Variants in SIPA1L1 observed in about 807,000 individuals in gnomAD.
SIPA1L1 encodes signal induced proliferation associated 1 like 1.
In SIPA1L1, 26 loss-of-function variants were observed where a neutral mutation model predicts 162.7. The observed-to-expected ratio is 0.16, with a 90% CI of 0.12 to 0.22. SIPA1L1 has a LOEUF of 0.22. Ranked by LOEUF, SIPA1L1 falls within the 10% of genes least tolerant of loss-of-function variation. The pLI, the probability that SIPA1L1 is intolerant of heterozygous loss-of-function variation, is 1.00. For missense variants in SIPA1L1, 1,874 were observed against 2,241.0 expected, an observed-to-expected ratio of 0.84 and a Z score of 3.31; for synonymous variants, 829 against 837.4, an observed-to-expected ratio of 0.99 and a Z score of 0.17.
intron 2 of SIPA1L1, among the ~76,000 whole-genome samples, chr14:71,433,518 T>C (rs748307449): frequency 1.3e-5 from 2 of 152,282 alleles, no homozygotes; most frequent in Non-Finnish European, 2.9e-5. Context: ...GGCTTCACCA[T>C]GTTACCTCGG....
In SIPA1L1 at chr14:71,698,982, C is replaced by T. The variant is rs1200636647; in HGVS notation, c.3376C>T (p.Leu1126=). The part of the protein sequence containing the change: ...SSDGRPLERR[L]SPGSDIYVTV... The stretch of plus-strand genomic sequence containing the variant: ...CATGTTTTTGTATTGCACATGCAGG[C>T]TGTCTCCTGGTTCGGACATCTATGT... The change falls in exon 14 of 24, where the codon CTG becomes TTG. Residue 1126 remains leucine (L), a splice_region_variant and synonymous_variant. Coordinates refer to ENST00000381232, the MANE Select transcript of SIPA1L1 (RefSeq NM_001386936.1). 1 of 1,614,192 alleles carries T rather than the reference C, an allele frequency of 6.2e-7. No homozygotes were observed. The highest frequency in any genetic ancestry group is 1.7e-5 in the Admixed American group (1 of 60,028).
intron 4 of SIPA1L1, among the ~76,000 whole-genome samples, chr14:71,557,085 A>G (rs2056415547): frequency 6.6e-6 from 1 of 152,230 alleles, no homozygotes; most frequent in Non-Finnish European, 1.5e-5. Context: ...ACAAAAACCA[A>G]TATAGCTATC....
intron 14 of SIPA1L1, among the ~76,000 whole-genome samples, chr14:71,700,410 A>G (rs1479989617): frequency 6.6e-6 from 1 of 152,266 alleles, no homozygotes; most frequent in African/African-American, 2.4e-5. Flanking sequence ...TCTAACTGGC[A>G]TCTCCATGCC....
chr14:71,588,940 G>A lies in SIPA1L1; in HGVS notation c.1068G>A (p.Arg356=). The A allele has an allele frequency of 1.2e-6, 2 of 1,614,072 alleles. No homozygotes were observed. The highest frequency in any genetic ancestry group is 1.7e-6 in the Non-Finnish European group (2 of 1,179,966). Residue 356 remains arginine (R), a synonymous_variant, in exon 5 of 24, where the codon AGG becomes AGA. Transcript: ENST00000381232. The surrounding 1 kb of genome is among the most constrained non-coding windows in gnomAD (Gnocchi z 4.3). ...TGAACAGGCACAATGTTATTAAGAG[G>A]AGAAACACCACCACTGGAGCTTCCG... ...AIMNRHNVIK[R]RNTTTGASAA... is the part of the protein sequence containing the mutation.
At chr14:71,702,259 A>T in intron 14 of SIPA1L1, 122 bp from the exon 15 acceptor site, 1 of 1,015,262 alleles carries the variant, frequency 9.8e-7, no homozygotes, top group Non-Finnish European at 1.5e-6. Flanking sequence ...ATACAAGTAC[A>T]GACACATAAG....
chr14:71,332,690 A>T (rs1457017090), intron 2 of SIPA1L1, among the ~76,000 whole-genome samples: 1 of 152,090 alleles, frequency 6.6e-6, no homozygotes, highest in Non-Finnish European at 1.5e-5. Flanking sequence ...CCTGGGTTTG[A>T]TATTGATTGC....
intron 4 of SIPA1L1, among the ~76,000 whole-genome samples, chr14:71,530,015 A>G (rs983011208): frequency 6.6e-6 from 1 of 152,212 alleles, no homozygotes; most frequent in Admixed American, 6.5e-5. Context: ...CCAGAATCAC[A>G]AGGAAACCAG....
rs1226628259 is a variant in SIPA1L1, at chr14:71,588,778, C to G, written c.906C>G (p.Ala302=). ...DSSIFRKLRN[A]KGEELGKSSD... ...CTATTTTTCGTAAATTGCGCAATGC[C>G]AAAGGTGAAGAACTTGGGAAGTCAT... The change falls in exon 5 of 24, where the codon GCC becomes GCG. Residue 302 remains alanine (A), a synonymous_variant. Transcript: ENST00000381232. The surrounding 1 kb of genome is among the most constrained non-coding windows in gnomAD (Gnocchi z 4.3). The G allele has an allele frequency of 1.9e-6, 3 of 1,614,034 alleles. No homozygotes were observed. The highest frequency in any genetic ancestry group is 8.5e-7 in the Non-Finnish European group (1 of 1,179,968).
chr14:71,652,231 A>C (rs1476594581), intron 8 of SIPA1L1, among the ~76,000 whole-genome samples: 1 of 152,196 alleles, frequency 6.6e-6, no homozygotes, highest in African/African-American at 2.4e-5. Context: ...TATGCCATTT[A>C]AACCTGCATT....
At chr14:71,725,783 G>A (rs1355778338) in intron 19 of SIPA1L1, among the ~76,000 whole-genome samples, 1 of 152,200 alleles carries the variant, frequency 6.6e-6, no homozygotes, top group Non-Finnish European at 1.5e-5. Context: ...TGCACCCCCA[G>A]AAAGGTCATG....
chr14:71,520,866 C>T (rs774783366), intron 3 of SIPA1L1, among the ~76,000 whole-genome samples: 61 of 152,220 alleles, frequency 4.0e-4, no homozygotes, highest in Non-Finnish European at 7.8e-4. Flanking sequence ...GATCCTCCCA[C>T]CTCAGCCCCC....
At chr14:71,641,222 T>C (rs774748037) in intron 7 of SIPA1L1, among the ~76,000 whole-genome samples, 1 of 147,112 alleles carries the variant, frequency 6.8e-6, no homozygotes. Context: ...CCAGAACTGA[T>C]GAAAGACAAG....
intron 2 of SIPA1L1, among the ~76,000 whole-genome samples, chr14:71,385,875 A>T (rs1218092809): frequency 6.6e-6 from 1 of 151,794 alleles, no homozygotes; most frequent in Non-Finnish European, 1.5e-5. Context: ...TTTAGTAGAG[A>T]CGGGGTTTCA....
At chr14:71,360,654 A>G (rs557675280) in intron 2 of SIPA1L1, among the ~76,000 whole-genome samples, 3 of 152,224 alleles carry the variant, frequency 2.0e-5, no homozygotes, top group Non-Finnish European at 4.4e-5. Context: ...AAGTATGTGC[A>G]TTATTTTAGT....
At chr14:71,434,277 T>G (rs763799072) in intron 2 of SIPA1L1, among the ~76,000 whole-genome samples, 1 of 152,186 alleles carries the variant, frequency 6.6e-6, no homozygotes, top group Non-Finnish European at 1.5e-5. Flanking sequence ...GGTGCAGTAA[T>G]GGATATATTT....
intron 10 of SIPA1L1, among the ~76,000 whole-genome samples, chr14:71,664,676 C>G (rs2043838079): frequency 6.6e-6 from 1 of 151,856 alleles, no homozygotes; most frequent in Non-Finnish European, 1.5e-5. Context: ...TTTTTTGTAC[C>G]CCAAGTGCTT....
In SIPA1L1 at chr14:71,377,703, G is replaced by C. The variant is rs944867505; in HGVS notation, c.-465+56522G>C. On this transcript the variant is annotated intron_variant, in intron 2 of 23. Coordinates refer to ENST00000381232, the MANE Select transcript of SIPA1L1 (RefSeq NM_001386936.1). This position sits in a 1 kb window ranked among gnomAD's most constrained non-coding sequence, Gnocchi z 4.8. ...GTGGGCAACATTGAGCACTGAGTGA[G>C]TGAGACTCCGTCTGCAATCCTGGCA... Among the ~76,000 whole-genome samples, 5 of 152,220 alleles carry C rather than the reference G, an allele frequency of 3.3e-5. No homozygotes were observed. Among genetic ancestry groups the C allele is most frequent in the African/African-American group, 1.2e-4 (5 of 41,464 alleles).
At chr14:71,471,598 A>G (rs1425167958) in intron 2 of SIPA1L1, among the ~76,000 whole-genome samples, 2 of 152,226 alleles carry the variant, frequency 1.3e-5, no homozygotes, top group Non-Finnish European at 2.9e-5. Context: ...AAGACAGGGA[A>G]ACAAACAGAG....
At position 71,624,656 on chromosome 14, in the gene SIPA1L1, A is replaced by G. The variant is rs535402645; in HGVS notation, c.1818+420A>G. Among the ~76,000 whole-genome samples, 3 of 152,288 alleles carry G rather than the reference A, an allele frequency of 2.0e-5. No homozygotes were observed. In the East Asian group the frequency reaches 5.8e-4, roughly 29 times the overall value. ...ATGTTATCTCATTTAATCTCCCTACACTGTGAGAAAGGTACTATTATTATT... is the reference window on the plus strand; with the variant it reads ...ATGTTATCTCATTTAATCTCCCTACGCTGTGAGAAAGGTACTATTATTATT... On this transcript the variant is annotated intron_variant, in intron 7 of 23. Coordinates refer to ENST00000381232, the MANE Select transcript of SIPA1L1 (RefSeq NM_001386936.1).
Sources: gnomAD v4.1 joint callset for allele counts (sites outside exome capture counted in the v4.1 genomes callset) on GRCh38, gnomAD v4.1.1 for gene constraint, Gnocchi (gnomAD v3.1) non-coding constraint, MANE v1.5 for transcripts, NCBI Gene and HGNC (gene_info 2026-07-23, HGNC 2026-07-21) for gene names.